TNS3: variants seen among roughly 807,000 people sequenced by gnomAD.
TNS3 encodes tensin-3.
In TNS3, 45 loss-of-function variants were observed where a neutral mutation model predicts 140.9. The observed-to-expected ratio is 0.32, with a 90% CI of 0.25 to 0.41. TNS3 has a LOEUF of 0.41. Ranked by LOEUF, TNS3 falls within the 10% of genes least tolerant of loss-of-function variation. TNS3 has a pLI of 1.00. For missense variants in TNS3, 1,716 were observed against 1,906.7 expected, an observed-to-expected ratio of 0.90 and a Z score of 1.86; for synonymous variants, 815 against 788.4, an observed-to-expected ratio of 1.03 and a Z score of -0.56.
chr7:47,542,382 AG>A (rs1799811254), intron 1 of TNS3, among the ~76,000 whole-genome samples: 1 of 152,162 alleles, frequency 6.6e-6, no homozygotes, highest in Admixed American at 6.5e-5. Context: ...TGAGGGGTGG[AG>A]AGTCCAAATC....
At chr7:47,390,677 A>G (rs1792459566) in intron 16 of TNS3, among the ~76,000 whole-genome samples, 1 of 152,180 alleles carries the variant, frequency 6.6e-6, no homozygotes, top group Non-Finnish European at 1.5e-5. Context: ...GCAAGAAACC[A>G]AGGACAAGAG....
At chr7:47,384,059 C>T (rs994090967) in intron 16 of TNS3, among the ~76,000 whole-genome samples, 4 of 152,208 alleles carry the variant, frequency 2.6e-5, no homozygotes, top group African/African-American at 7.2e-5. Context: ...TCAACAAATG[C>T]AGGTCCCTCC....
intron 20 of TNS3, among the ~76,000 whole-genome samples, chr7:47,324,036 A>T (rs1019293901): frequency 6.6e-6 from 1 of 152,148 alleles, no homozygotes; most frequent in Non-Finnish European, 1.5e-5. Flanking sequence ...TATAAAAGGG[A>T]TCCATTAACC....
At chr7:47,520,193 G>A (rs1261442398) in intron 2 of TNS3, among the ~76,000 whole-genome samples, 12 of 152,122 alleles carry the variant, frequency 7.9e-5, no homozygotes, top group East Asian at 1.9e-4. Context: ...CGTGGGCTCC[G>A]TGAAGCACAG....
intron 17 of TNS3, among the ~76,000 whole-genome samples, chr7:47,356,229 T>A (rs949819212): frequency 6.6e-6 from 1 of 152,178 alleles, no homozygotes; most frequent in Non-Finnish European, 1.5e-5. Context: ...CAAAGGCCAT[T>A]GTCCACCTTT....
chr7:47,392,748 G>A (rs1281649077), intron 16 of TNS3, among the ~76,000 whole-genome samples: 1 of 152,254 alleles, frequency 6.6e-6, no homozygotes, highest in Non-Finnish European at 1.5e-5. Flanking sequence ...CACCAATGCA[G>A]CACACCGGCC....
At chr7:47,313,793 G>A (rs946073651) in intron 20 of TNS3, among the ~76,000 whole-genome samples, 18 of 152,180 alleles carry the variant, frequency 1.2e-4, no homozygotes, top group Non-Finnish European at 2.2e-4. Flanking sequence ...AATCCACTTT[G>A]TTCCTGTTAT....
At chr7:47,516,721 G>A (rs1166367553) in intron 2 of TNS3, among the ~76,000 whole-genome samples, 11 of 152,196 alleles carry the variant, frequency 7.2e-5, no homozygotes, top group Non-Finnish European at 1.5e-4. Flanking sequence ...AAGAGCAATG[G>A]CTAAAATGAT....
intron 2 of TNS3, among the ~76,000 whole-genome samples, chr7:47,527,777 C>T (rs73328582): frequency 0.018 from 2,671 of 152,134 alleles, 69 homozygotes; most frequent in African/African-American, 0.06. Flanking sequence ...AGGCATGTGG[C>T]GCATGCCTAT....
chr7:47,544,310 C>A (rs780792189), intron 1 of TNS3, among the ~76,000 whole-genome samples: 2 of 152,286 alleles, frequency 1.3e-5, no homozygotes, highest in South Asian at 4.1e-4. Context: ...CTCCACCTCT[C>A]ACAAGCACGG....
At chr7:47,505,332 A>G (rs1172753697) in intron 3 of TNS3, among the ~76,000 whole-genome samples, 1 of 152,226 alleles carries the variant, frequency 6.6e-6, no homozygotes. Context: ...GCACCCCAGG[A>G]AAGGAGCCTA....
chr7:47,519,510 A>G (rs1283528016), intron 2 of TNS3, among the ~76,000 whole-genome samples: 1 of 152,150 alleles, frequency 6.6e-6, no homozygotes, highest in Non-Finnish European at 1.5e-5. Flanking sequence ...ACTCATCACC[A>G]TGTAAACCAG....
At chr7:47,419,116 C>T (rs1794236565) in intron 10 of TNS3, among the ~76,000 whole-genome samples, 1 of 152,272 alleles carries the variant, frequency 6.6e-6, no homozygotes, top group African/African-American at 2.4e-5. Flanking sequence ...GAGACCTACA[C>T]ATTGGAATTG....
intron 1 of TNS3, among the ~76,000 whole-genome samples, chr7:47,530,349 G>A (rs1799347006): frequency 6.6e-6 from 1 of 152,122 alleles, no homozygotes; most frequent in South Asian, 2.1e-4. Flanking sequence ...ACAGAGATGA[G>A]ACAACCTAAA....
In TNS3 at chr7:47,428,475, G is replaced by C. The variant is rs1476194379; in HGVS notation, c.325-99C>G. On this transcript the variant is annotated intron_variant, in intron 8 of 30. Coordinates refer to ENST00000311160, the MANE Select transcript of TNS3 (RefSeq NM_022748.12). ...TCACTAGTGGACAAAACAATAGAGA[G>C]CCTGCTTTGGTGGTAAGGCCAGCAT... is the stretch of plus-strand genomic sequence containing the variant. The C allele has an allele frequency of 3.4e-6, 3 of 888,816 alleles. No homozygotes were observed. In the African/African-American group the frequency reaches 5.2e-5, roughly 15 times the overall value. 55.1% of individuals were successfully genotyped at this position (888,816 alleles called of 1,614,324 possible). A position where few individuals can be genotyped will look rare whatever the true frequency, so the allele number is the denominator to read the frequency against.
intron 15 of TNS3, among the ~76,000 whole-genome samples, chr7:47,398,966 T>C (rs1792990748): frequency 6.6e-6 from 1 of 151,746 alleles, no homozygotes; most frequent in African/African-American, 2.4e-5. Context: ...GATAAACGAA[T>C]TCAGTAAAGT....
chr7:47,532,409 G>A (rs1048982638), intron 1 of TNS3, among the ~76,000 whole-genome samples: 2 of 152,184 alleles, frequency 1.3e-5, no homozygotes, highest in Non-Finnish European at 1.5e-5. Context: ...CAGAGCAAGA[G>A]AGAGGACAGA....
At chr7:47,488,882 TAG>T (rs1442272660) in intron 3 of TNS3, among the ~76,000 whole-genome samples, 7 of 151,972 alleles carry the variant, frequency 4.6e-5, no homozygotes, top group African/African-American at 1.7e-4. Context: ...GACAGGGGGC[TAG>T]GTAGAGGGTT....
At chr7:47,448,220 C>G (rs186252756) in intron 4 of TNS3, among the ~76,000 whole-genome samples, 7 of 152,232 alleles carry the variant, frequency 4.6e-5, no homozygotes, top group African/African-American at 7.2e-5. Context: ...CTGCACTCAC[C>G]CATGTGGGGC....
Sources: allele counts gnomAD v4.1 joint callset (sites outside exome capture counted in the v4.1 genomes callset), GRCh38; gene constraint gnomAD v4.1.1; transcripts MANE v1.5; gene names NCBI Gene and HGNC (gene_info 2026-07-23, HGNC 2026-07-21).